The following BACH1 variants were observed in gnomAD, a reference collection of about 807,000 sequenced individuals.
BACH1 encodes the protein transcription regulator protein BACH1.
In BACH1, 35 loss-of-function variants were observed where a neutral mutation model predicts 52.9. The ratio of observed to expected loss-of-function variants is 0.66; its 90% CI spans 0.51 to 0.88. The LOEUF (loss-of-function observed/expected upper bound fraction) is 0.88, where lower values mean the gene tolerates loss of function less well. Among genes scored for constraint, BACH1 ranks in the 40% least tolerant of loss-of-function variants. The pLI, the probability that BACH1 is intolerant of heterozygous loss-of-function variation, is 0.00. For missense variants in BACH1, 808 were observed against 872.6 expected (o/e 0.93, Z 0.93); for synonymous variants, 321 against 319.6 (o/e 1.00, Z -0.05).
At chr21:29,340,845 C>T (rs1007413995) in intron 4 of BACH1, among the ~76,000 whole-genome samples, 1 of 152,006 alleles carries the variant, frequency 6.6e-6, no homozygotes, top group African/African-American at 2.4e-5. Context: ...CTTTCAGTAT[C>T]TGCAGACTCA....
chr21:29,356,178 TTGTATGGCTC>T (rs1344142602), intron 2 of BACH1, among the ~76,000 whole-genome samples: 2 of 152,184 alleles, frequency 1.3e-5, no homozygotes, highest in African/African-American at 4.8e-5. Flanking sequence ...AGGGTATTAG[TTGTATGGCTC>T]TGCACTGACG....
At position 29,327,068 on chromosome 21, in the gene BACH1, A is replaced by C. The variant is rs756020225; in HGVS notation, c.1244A>C (p.Gln415Pro). ...ICSTDTPCQMQLSPAVAKDGS... is the reference protein window; with the variant it reads ...ICSTDTPCQMPLSPAVAKDGS... ...AGCACGGACACTCCTTGCCAAATGC[A>C]GTTATCACCTGCTGTGGCCAAAGAT... The change falls in exon 3 of 5, where the codon CAG becomes CCG. Residue 415 changes from glutamine (Q) to proline (P), a missense_variant. Physicochemically the swap from Gln to Pro is moderately conservative, Grantham distance 76. Coordinates refer to ENST00000286800, the MANE Select transcript of BACH1 (RefSeq NM_001186.4). 4 of 1,614,094 alleles carry C rather than the reference A, an allele frequency of 2.5e-6. No homozygotes were observed. Among genetic ancestry groups the C allele is most frequent in the Non-Finnish European group, 3.4e-6 (4 of 1,180,044 alleles).
intron 2 of BACH1, among the ~76,000 whole-genome samples, chr21:29,324,321 C>T (rs930506571): frequency 1.3e-5 from 2 of 151,652 alleles, no homozygotes; most frequent in African/African-American, 4.9e-5. Context: ...CTCCTGCCTA[C>T]ACTCCATGCC....
intron 1 of BACH1, among the ~76,000 whole-genome samples, chr21:29,300,473 A>G (rs2088591102): frequency 1.3e-5 from 2 of 152,192 alleles, no homozygotes; most frequent in Non-Finnish European, 2.9e-5. Flanking sequence ...ACAGGTTATC[A>G]GTGGGTGAAG....
intron 4 of BACH1, among the ~76,000 whole-genome samples, chr21:29,339,823 A>G (rs992337034): frequency 2.6e-5 from 4 of 151,874 alleles, no homozygotes; most frequent in African/African-American, 7.3e-5. Context: ...TTTATTAGAG[A>G]CAGGGTTTCA....
chr21:29,299,079 T>C (rs2088572321), intron 1 of BACH1, 126 bp downstream of exon 1: 1 of 149,220 alleles, frequency 6.7e-6, no homozygotes, highest in Non-Finnish European at 1.5e-5. Context: ...GGCGGCTCTT[T>C]CTGGGCTGGG....
At chr21:29,333,801 A>G (rs1021863197) in intron 4 of BACH1, among the ~76,000 whole-genome samples, 4 of 152,242 alleles carry the variant, frequency 2.6e-5, no homozygotes, top group Non-Finnish European at 5.9e-5. Context: ...TTATGTATAA[A>G]GGAATAAAGG....
In BACH1 at chr21:29,326,317, C is replaced by T. The variant is rs1176488196; in HGVS notation, c.493C>T (p.Leu165=). The change falls in exon 3 of 5, where the codon CTA becomes TTA. Residue 165 remains leucine, a synonymous_variant. Coordinates refer to ENST00000286800, the MANE Select transcript of BACH1 (RefSeq NM_001186.4). ...ACTTTCACTTTTGGACCAGAGGGAT[C>T]TAGAAACTGATGAAGTGGAGGAATT... ...LKLSLLDQRD[L]ETDEVEEFLE... is the part of the protein sequence containing the mutation. The T allele has an allele frequency of 6.2e-7, 1 of 1,614,138 alleles. No individual in the cohort carries two copies.
At chr21:29,358,837 GT>G (rs2089254706) in intron 2 of BACH1, among the ~76,000 whole-genome samples, 1 of 144,466 alleles carries the variant, frequency 6.9e-6, no homozygotes, top group Non-Finnish European at 1.6e-5. Context: ...AATGTAAAAA[GT>G]GCTAAATAGA....
chr21:29,354,457 G>C (rs577802706), intron 2 of BACH1, among the ~76,000 whole-genome samples: 2 of 152,164 alleles, frequency 1.3e-5, no homozygotes, highest in Non-Finnish European at 2.9e-5. Flanking sequence ...AAGAAACCAC[G>C]GCTGTAGTCA....
At chr21:29,320,668 G>A (rs1394804338) in intron 1 of BACH1, among the ~76,000 whole-genome samples, 1 of 152,092 alleles carries the variant, frequency 6.6e-6, no homozygotes, top group Admixed American at 6.5e-5. Flanking sequence ...TGGTGCTGGA[G>A]GAACTTTACC....
chr21:29,309,233 G>T (rs1247478369), intron 1 of BACH1, among the ~76,000 whole-genome samples: 2 of 149,902 alleles, frequency 1.3e-5, no homozygotes, highest in Non-Finnish European at 3.0e-5. Flanking sequence ...ACTCCAGCCT[G>T]GGTGACAGAG....
intron 1 of BACH1, among the ~76,000 whole-genome samples, chr21:29,314,620 G>C (rs762609854): frequency 1.3e-5 from 2 of 152,082 alleles, no homozygotes; most frequent in African/African-American, 4.8e-5. Flanking sequence ...AAAAGCGGTG[G>C]CATCTTTAGT....
At chr21:29,304,515 A>G (rs1469643088) in intron 1 of BACH1, among the ~76,000 whole-genome samples, 4 of 151,964 alleles carry the variant, frequency 2.6e-5, no homozygotes, top group Admixed American at 6.6e-5. Context: ...GGACAGTTGC[A>G]CTCTACTTCC....
At chr21:29,340,593 T>TA (rs1025206884) in intron 4 of BACH1, among the ~76,000 whole-genome samples, 31 of 152,246 alleles carry the variant, frequency 2.0e-4, no homozygotes, top group Non-Finnish European at 5.9e-5. Context: ...ATATTTAATT[T>TA]AAAAGACCAA....
intron 2 of BACH1, among the ~76,000 whole-genome samples, chr21:29,354,111 C>T (rs1174881903): frequency 6.6e-6 from 1 of 152,150 alleles, no homozygotes; most frequent in Non-Finnish European, 1.5e-5. Flanking sequence ...ATGTTTTGAG[C>T]CAAGGCAATT....
At position 29,339,658 on chromosome 21, in the gene BACH1, A is replaced by T. The variant is rs1484805145; in HGVS notation, c.1777-2741A>T. Among the ~76,000 whole-genome samples the T allele has an allele frequency of 3.1e-5, 4 of 129,612 alleles. No homozygotes were observed. In the East Asian group the frequency reaches 7.2e-4, roughly 23 times the overall value. 85.0% of individuals were successfully genotyped at this position (129,612 alleles called of 152,430 possible). On this transcript the variant is annotated intron_variant, in intron 4 of 4. Transcript: ENST00000286800. ...TTTTTTTTTTTTTTTTTTGAGACAG[A>T]GTCTTGCTCTGTCACCCAGGCTGGA...
chr21:29,317,273 A>G (rs768112812), intron 1 of BACH1, among the ~76,000 whole-genome samples: 1 of 152,236 alleles, frequency 6.6e-6, no homozygotes. Flanking sequence ...CTGCTGATCT[A>G]GATGATCTCT....
chr21:29,331,572 T>G (rs944475911), intron 4 of BACH1, among the ~76,000 whole-genome samples: 24 of 152,232 alleles, frequency 1.6e-4, no homozygotes, highest in African/African-American at 5.5e-4. Context: ...ATATCTAGGA[T>G]GAAGAAGCCT....
Sources: allele counts gnomAD v4.1 joint callset (sites outside exome capture counted in the v4.1 genomes callset), GRCh38; gene constraint gnomAD v4.1.1; transcripts MANE v1.5; gene names NCBI Gene and HGNC (gene_info 2026-07-23, HGNC 2026-07-21).